Variants in DNAJC2 observed in about 807,000 individuals in gnomAD.
DNAJC2 encodes the protein DnaJ heat shock protein family (Hsp40) member C2.
In DNAJC2, 32 loss-of-function variants were observed where a neutral mutation model predicts 94.0. The observed-to-expected ratio is 0.34, with a 90% confidence interval of 0.26 to 0.46. DNAJC2 has a LOEUF of 0.46. Ranked by LOEUF, DNAJC2 falls within the 20% of genes least tolerant of loss-of-function variation. DNAJC2 has a pLI of 1.00. For synonymous variants in DNAJC2, 210 were observed against 229.7 expected (o/e 0.91, Z 0.77); for missense variants, 550 against 719.5 (o/e 0.76, Z 2.69).
intron 3 of DNAJC2, chr7:103,336,600 C>G (rs982623583): frequency 2.0e-5 from 3 of 152,244 alleles, no homozygotes; most frequent in African/African-American, 7.2e-5. Context: ...CCCGTCTCGG[C>G]CTCCCAAAGT....
At chr7:103,314,566 A>G (rs1295566392) in intron 15 of DNAJC2, 1 of 985,210 alleles carries the variant, frequency 1.0e-6, no homozygotes, top group Non-Finnish European at 1.2e-6. Context: ...TACCTGTTGT[A>G]TTTTGTGGAG....
At chr7:103,313,330 T>C (rs1817864508) in intron 15 of DNAJC2, 4 of 1,281,224 alleles carry the variant, frequency 3.1e-6, no homozygotes, top group Non-Finnish European at 3.0e-6. Context: ...TAAAACACAA[T>C]AGTAAAGATC....
At chr7:103,331,123 A>C (rs1305423480) in intron 3 of DNAJC2, among the ~76,000 whole-genome samples, 1 of 151,100 alleles carries the variant, frequency 6.6e-6, no homozygotes, top group East Asian at 2.0e-4. Flanking sequence ...CGCTCAGCTA[A>C]TTTTTGTATT....
At chr7:103,330,771 G>A (rs1395155396) in intron 3 of DNAJC2, among the ~76,000 whole-genome samples, 1 of 150,674 alleles carries the variant, frequency 6.6e-6, no homozygotes, top group Admixed American at 6.6e-5. Flanking sequence ...TTGTAGGGGA[G>A]GGGTTTCGTC....
At chr7:103,337,933 G>T in intron 2 of DNAJC2, 122 bp from the exon 3 acceptor site, 1 of 696,826 alleles carries the variant, frequency 1.4e-6, no homozygotes. Flanking sequence ...CCAGTAAGAG[G>T]TTCTGTATAA....
rs186518738 is a variant in DNAJC2 at position 103,322,430 on chromosome 7, T to A, written c.933+81A>T. 1,197 of 1,293,796 alleles carry A rather than the reference T, an allele frequency of 9.3e-4. 6 individuals carry two copies. The African/African-American group carries it at 0.014, about 15-fold the overall frequency. 80.1% of individuals were successfully genotyped at this position (1,293,796 alleles called of 1,614,324 possible). ...TCTGCTTTCGAATTATAGTTTTTTT[T>A]AAAAAAAGATGTGAAGATTAAAGTG... is the stretch of plus-strand genomic sequence containing the variant. On this transcript the variant is annotated intron_variant, in intron 9 of 16. Coordinates refer to ENST00000379263, the MANE Select transcript of DNAJC2 (RefSeq NM_014377.3).
intron 3 of DNAJC2, chr7:103,335,895 CG>C (rs1218397870): frequency 1.3e-5 from 2 of 152,232 alleles, no homozygotes; most frequent in Admixed American, 6.5e-5. Context: ...AGGCTGGGTG[CG>C]GTGGCTCACG....
chr7:103,344,466 G>A, intron 1 of DNAJC2, 93 bp downstream of exon 1: 2 of 1,455,332 alleles, frequency 1.4e-6, no homozygotes, highest in South Asian at 2.3e-5. Context: ...AGTCGCCAGG[G>A]TCAAGGGTAG....
Position 103,337,765 on chromosome 7 carries a change from T to G in DNAJC2, c.302A>C (p.Lys101Thr), listed in dbSNP as rs757599400. Residue 101 changes from lysine to threonine, a missense_variant, in exon 3 of 17, where the codon AAG becomes ACG. Lys to Thr is a moderately conservative substitution (Grantham distance 78). Coordinates refer to ENST00000379263, the MANE Select transcript of DNAJC2 (RefSeq NM_014377.3). Reference sequence around the variant, plus strand: ...TGCTTTGATCTGTCTCTGTGTAGCCTTGTATCTCACATGGCCAAGTCCAAG... The same window carrying G: ...TGCTTTGATCTGTCTCTGTGTAGCCGTGTATCTCACATGGCCAAGTCCAAG... ...AVLGLGHVRY[K>T]ATQRQIKAAH... is the part of the protein sequence containing the mutation. The G allele has an allele frequency of 1.2e-6, 2 of 1,613,802 alleles. No individual in the cohort carries two copies. The highest frequency in any genetic ancestry group is 1.7e-6 in the Non-Finnish European group (2 of 1,179,902).
In DNAJC2 at chr7:103,313,092, G is replaced by C. The variant is rs188644513; in HGVS notation, c.1646C>G (p.Thr549Arg). The C allele has an allele frequency of 1.4e-3, 2,227 of 1,609,642 alleles. 45 individuals carry two copies. In the Admixed American group the frequency reaches 0.035, roughly 25 times the overall value. The stretch of plus-strand genomic sequence containing the variant: ...TTCTGTTGTCCAAGGGGTGAAGTCT[G>C]TATATGGACCTGATTAAGAAAAATT... ...TPSERFEGPY[T>R]DFTPWTTEEQ... The change falls in exon 16 of 17, where the codon ACA (threonine) becomes AGA (arginine). Residue 549 changes from threonine (T) to arginine (R), a missense_variant. Thr to Arg is a moderately conservative substitution (Grantham distance 71). Around this residue, in one of 2 missense-constraint regions of DNAJC2, gnomAD observed 271 missense variants for 302.6 expected, o/e 0.90. Transcript: ENST00000379263.
chr7:103,322,514 T>A lies in DNAJC2; in HGVS notation c.930A>T (p.Glu310Asp), dbSNP rs758778206. ...EAKRKEQEAK[E>D]KQRQAELEAA... ...CCTTCATTAAATGTTGTCTTACTTT[T>A]TCTTTAGCTTCTTGCTCCTTCCGTT... Residue 310 changes from glutamate (E) to aspartate (D), a missense_variant, in exon 9 of 17, where the codon GAA becomes GAT. Physicochemically the swap from Glu to Asp is conservative, Grantham distance 45. Around this residue, in one of 2 missense-constraint regions of DNAJC2, gnomAD observed 279 missense variants for 416.9 expected, o/e 0.67. Coordinates refer to ENST00000379263, the MANE Select transcript of DNAJC2 (RefSeq NM_014377.3). The A allele has an allele frequency of 1.4e-6, 2 of 1,481,160 alleles. No homozygotes were observed. Among genetic ancestry groups the A allele is most frequent in the South Asian group, 2.5e-5 (2 of 81,304 alleles). 91.8% of individuals were successfully genotyped at this position (1,481,160 alleles called of 1,614,324 possible).
chr7:103,337,673 A>G, intron 3 of DNAJC2, 63 bp downstream of exon 3: 1 of 1,320,486 alleles, frequency 7.6e-7, no homozygotes. Context: ...TATCTTTTAA[A>G]AAGCATAGCC....
intron 5 of DNAJC2, among the ~76,000 whole-genome samples, chr7:103,326,157 T>TTTTTTTTTTTTTTTTTTTTTTTTTTG (rs1818694353): frequency 6.6e-6 from 1 of 152,166 alleles, no homozygotes; most frequent in African/African-American, 2.4e-5. Flanking sequence ...TTTTGTATTT[T>TTTTTTTTTTTTTTTTTTTTTTTTTTG]AGTAGAGACA....
chr7:103,326,729 T>C (rs1326662964), intron 4 of DNAJC2, 45 bp from the exon 5 acceptor site: 4 of 1,536,492 alleles, frequency 2.6e-6, no homozygotes, highest in Non-Finnish European at 3.5e-6. Flanking sequence ...ACTTTACCTA[T>C]TTTTTCCTGC....
chr7:103,313,946 T>G, intron 15 of DNAJC2: 1 of 985,356 alleles, frequency 1.0e-6, no homozygotes, highest in Non-Finnish European at 1.2e-6. Context: ...GTAGCCTGAC[T>G]ACTACTAGAA....
intron 1 of DNAJC2, 140 bp from the exon 2 acceptor site, chr7:103,342,094 T>A (rs1819393593): frequency 1.9e-6 from 1 of 540,404 alleles, no homozygotes; most frequent in Non-Finnish European, 3.0e-6. Context: ...CGAAAATAAT[T>A]GCAGTCATCC....
intron 15 of DNAJC2, chr7:103,313,358 C>G: frequency 8.7e-7 from 1 of 1,147,600 alleles, no homozygotes. Flanking sequence ...TACTGTTTAT[C>G]TCTTAAAAAT....
chr7:103,327,646 A>T lies in DNAJC2; in HGVS notation c.430+10T>A, dbSNP rs1438632090. On this transcript the variant is annotated intron_variant, in intron 4 of 16. Coordinates refer to ENST00000379263, the MANE Select transcript of DNAJC2 (RefSeq NM_014377.3). Reference sequence around the variant, plus strand: ...TATTAGAAATTCCTGACTCTAAAGCATTTTCTTACCTTTAGTTATGCAAGT... The same window carrying T: ...TATTAGAAATTCCTGACTCTAAAGCTTTTTCTTACCTTTAGTTATGCAAGT... 2 of 1,549,208 alleles carry T rather than the reference A, an allele frequency of 1.3e-6. No homozygotes were observed. The highest frequency in any genetic ancestry group is 8.9e-7 in the Non-Finnish European group (1 of 1,128,508).
At position 103,312,620 on chromosome 7, in the gene DNAJC2, T is replaced by G. The variant is rs1817810980; in HGVS notation, c.1815A>C (p.Ala605=). Reference sequence around the variant, plus strand: ...GCACTTGTTCTTGAGCAGCTTTCTTTGCTTTTACCATCTCGACAAGTTCCT... The same window carrying G: ...GCACTTGTTCTTGAGCAGCTTTCTTGGCTTTTACCATCTCGACAAGTTCCT... ...RYKELVEMVK[A]KKAAQEQVLN... is the part of the protein sequence containing the mutation. Residue 605 remains alanine (A), a synonymous_variant, in exon 17 of 17, where the codon GCA becomes GCC. Coordinates refer to ENST00000379263, the MANE Select transcript of DNAJC2 (RefSeq NM_014377.3). 3.7e-6 allele frequency: 6 copies of G among 1,613,612 alleles called. No individual in the cohort carries two copies. The highest frequency in any genetic ancestry group is 4.2e-6 in the Non-Finnish European group (5 of 1,179,868).
Sources: allele counts gnomAD v4.1 joint callset (sites outside exome capture counted in the v4.1 genomes callset), GRCh38; gene constraint gnomAD v4.1.1; regional missense constraint gnomAD v4.1.1; transcripts MANE v1.5; gene names NCBI Gene and HGNC (gene_info 2026-07-23, HGNC 2026-07-21).